Variants in ROBO2 observed in about 807,000 individuals in gnomAD.
ROBO2 encodes the protein roundabout homolog 2.
In ROBO2, 53 loss-of-function variants were observed where a neutral mutation model predicts 160.8. The observed-to-expected ratio is 0.33, with a 90% confidence interval of 0.26 to 0.41. ROBO2 has a LOEUF of 0.41. ROBO2 is among the 10% of genes least tolerant of loss of function. The pLI, the probability that ROBO2 is intolerant of heterozygous loss-of-function variation, is 1.00. For synonymous variants in ROBO2, 664 were observed against 611.7 expected (o/e 1.09, Z -1.26); for missense variants, 1,577 against 1,722.4 (o/e 0.92, Z 1.49).
At chr3:76,868,877 T>G (rs921283029) in intron 2 of ROBO2, among the ~76,000 whole-genome samples, 2 of 152,194 alleles carry the variant, frequency 1.3e-5, no homozygotes, top group African/African-American at 4.8e-5. Flanking sequence ...GGAGCAGTTA[T>G]CTGTATCGGT....
chr3:76,903,032 T>C (rs2075339580), intron 2 of ROBO2, among the ~76,000 whole-genome samples: 1 of 152,140 alleles, frequency 6.6e-6, no homozygotes, highest in Non-Finnish European at 1.5e-5. Flanking sequence ...TTACAAGGAA[T>C]ATTTATTACC....
intron 2 of ROBO2, among the ~76,000 whole-genome samples, chr3:76,395,357 G>A (rs1401611845): frequency 6.7e-6 from 1 of 149,538 alleles, no homozygotes; most frequent in African/African-American, 2.5e-5. Context: ...AGCACTAAAT[G>A]CCCACAAGAG....
At chr3:76,872,881 GA>G (rs1018312278) in intron 2 of ROBO2, among the ~76,000 whole-genome samples, 122 of 150,272 alleles carry the variant, frequency 8.1e-4, no homozygotes, top group African/African-American at 2.7e-3. Context: ...GGCTAGGGAG[GA>G]AAAAAAAATC....
chr3:77,110,308 A>T (rs540104863), intron 2 of ROBO2, among the ~76,000 whole-genome samples: 3 of 152,156 alleles, frequency 2.0e-5, no homozygotes, highest in Non-Finnish European at 2.9e-5. Flanking sequence ...CTACTTTAGG[A>T]TACTTTCTGG....
intron 1 of ROBO2, among the ~76,000 whole-genome samples, chr3:77,064,100 G>T (rs958261199): frequency 1.3e-5 from 2 of 152,060 alleles, no homozygotes; most frequent in Admixed American, 6.6e-5. Flanking sequence ...TGTCATAAAA[G>T]GTAAATGCTT....
At chr3:76,404,001 A>G (rs574213167) in intron 2 of ROBO2, among the ~76,000 whole-genome samples, 216 of 151,792 alleles carry the variant, frequency 1.4e-3, no homozygotes, top group African/African-American at 5.1e-3. Flanking sequence ...GCTGCTAGCT[A>G]TATTATAACC....
intron 2 of ROBO2, among the ~76,000 whole-genome samples, chr3:76,429,196 A>C (rs1049665074): frequency 2.6e-5 from 4 of 151,388 alleles, no homozygotes; most frequent in African/African-American, 4.9e-5. Flanking sequence ...ACACACACCC[A>C]CTCACTCACA....
At chr3:77,053,868 A>G (rs767419095) in intron 1 of ROBO2, among the ~76,000 whole-genome samples, 3 of 152,192 alleles carry the variant, frequency 2.0e-5, no homozygotes, top group Non-Finnish European at 4.4e-5. Context: ...GGGGATAAGT[A>G]CAGGAGTTGG....
intron 2 of ROBO2, among the ~76,000 whole-genome samples, chr3:76,967,150 C>T (rs781382721): frequency 1.1e-4 from 16 of 151,848 alleles, no homozygotes; most frequent in African/African-American, 2.7e-4. Flanking sequence ...GTAGCACATC[C>T]GGAATTACAC....
chr3:76,689,539 T>C (rs2092755546), intron 2 of ROBO2, among the ~76,000 whole-genome samples: 1 of 152,160 alleles, frequency 6.6e-6, no homozygotes, highest in African/African-American at 2.4e-5. Flanking sequence ...TTGTTAATTA[T>C]AATTTCCTGT....
intron 2 of ROBO2, among the ~76,000 whole-genome samples, chr3:77,400,524 C>A (rs896551868): frequency 2.6e-5 from 4 of 152,188 alleles, no homozygotes; most frequent in Non-Finnish European, 4.4e-5. Flanking sequence ...AATTATCCAA[C>A]ACATTCGGTT....
At position 76,304,754 on chromosome 3, in the gene ROBO2, CTTTCT is replaced by C. The variant is rs1559737169; in HGVS notation, c.109+367155_109+367159del. 7.9e-3 allele frequency among the ~76,000 whole-genome samples: 1,028 copies of C among 129,888 alleles called. 9 individuals are homozygous for C. Among genetic ancestry groups the C allele is most frequent in the East Asian group, 0.019 (56 of 2,964 alleles). 85.2% of individuals were successfully genotyped at this position (129,888 alleles called of 152,430 possible). The stretch of plus-strand genomic sequence containing the variant: ...TTTCTTTTCTTTTCTTTCCTTCTTT[CTTTCT>C]TTCTTTCTTTCTTTCTTTCTTTCTT... On this transcript the variant is annotated intron_variant, in intron 2 of 26. Transcript: ENST00000487694.
At chr3:75,956,711 T>G (rs1205985415) in intron 2 of ROBO2, among the ~76,000 whole-genome samples, 2 of 151,690 alleles carry the variant, frequency 1.3e-5, no homozygotes, top group Non-Finnish European at 2.9e-5. Context: ...GTGACCAAAA[T>G]GTAAGTGTCA....
At chr3:76,766,088 C>T (rs77506737) in intron 2 of ROBO2, among the ~76,000 whole-genome samples, 3 of 151,736 alleles carry the variant, frequency 2.0e-5, no homozygotes, top group South Asian at 4.1e-4. Context: ...ATTCACAAAT[C>T]GAATAACTGT....
chr3:77,055,712 G>T (rs2065673902), intron 1 of ROBO2, among the ~76,000 whole-genome samples: 1 of 152,066 alleles, frequency 6.6e-6, no homozygotes, highest in Non-Finnish European at 1.5e-5. Context: ...TGACCCTGAG[G>T]AACTAATCAA....
intron 2 of ROBO2, among the ~76,000 whole-genome samples, chr3:76,601,391 G>C (rs1251522841): frequency 2.0e-5 from 3 of 152,184 alleles, no homozygotes; most frequent in African/African-American, 7.2e-5. Flanking sequence ...TTCTCCATGA[G>C]GTTTCCACCC....
chr3:76,105,361 A>G (rs1267611349), intron 2 of ROBO2, among the ~76,000 whole-genome samples: 1 of 152,194 alleles, frequency 6.6e-6, no homozygotes, highest in Non-Finnish European at 1.5e-5. Flanking sequence ...AAATTCTTGT[A>G]TACCTAATAT....
intron 2 of ROBO2, among the ~76,000 whole-genome samples, chr3:76,821,818 A>G (rs931798878): frequency 2.6e-5 from 4 of 152,028 alleles, no homozygotes; most frequent in African/African-American, 9.7e-5. Context: ...AAAACTGACT[A>G]TAAATTGGTC....
At chr3:77,113,963 G>A (rs1022230966) in intron 2 of ROBO2, among the ~76,000 whole-genome samples, 1 of 152,226 alleles carries the variant, frequency 6.6e-6, no homozygotes, top group East Asian at 1.9e-4. Context: ...TGGAAACTGA[G>A]TCCTGGAGGA....
Sources: allele counts gnomAD v4.1 joint callset (sites outside exome capture counted in the v4.1 genomes callset), GRCh38; gene constraint gnomAD v4.1.1; transcripts MANE v1.5; gene names NCBI Gene and HGNC (gene_info 2026-07-23, HGNC 2026-07-21).